FAAH: variants seen among roughly 807,000 people sequenced by gnomAD.
The protein encoded by FAAH is fatty acid amide hydrolase, also known as fatty-acid amide hydrolase 1.
A neutral mutation model predicts 69.7 loss-of-function variants in FAAH; 63 were observed. That is an observed-to-expected ratio of 0.90 (90% CI 0.74 to 1.12). FAAH has a LOEUF of 1.12. FAAH is among the 50% of genes most tolerant of loss of function. The pLI is 0.00. For synonymous variants in FAAH, 305 were observed against 324.2 expected, an observed-to-expected ratio of 0.94 and a Z score of 0.64; for missense variants, 680 against 755.0, an observed-to-expected ratio of 0.90 and a Z score of 1.16.
At chr1:46,412,322 G>T in intron 13 of FAAH, 71 bp downstream of exon 13, 1 of 1,314,050 alleles carries the variant, frequency 7.6e-7, no homozygotes, top group Non-Finnish European at 1.1e-6. Flanking sequence ...CGAGGAAATG[G>T]AAGAAGAGCC....
At chr1:46,395,986 G>A (rs143295971) in intron 1 of FAAH, among the ~76,000 whole-genome samples, 1 of 152,052 alleles carries the variant, frequency 6.6e-6, no homozygotes, top group Non-Finnish European at 1.5e-5. Flanking sequence ...GGGGACCACC[G>A]CTCAGTATAG....
rs989976741 is a variant in FAAH, at chr1:46,408,563, C to T, written c.1056C>T (p.Ser352=). The change falls in exon 8 of 15, where the codon AGC becomes AGT. Residue 352 remains serine, a synonymous_variant. Transcript: ENST00000243167. ...GGGCCGTGCTGGAGACCAAACAGAG[C>T]CTTGAGGCTGCGGGGCACACGGTAT... The part of the protein sequence containing the change: ...MRRAVLETKQ[S]LEAAGHTLVP... 6.2e-7 allele frequency: 1 copy of T among 1,614,208 alleles called. No homozygotes were observed. The highest frequency in any genetic ancestry group is 8.5e-7 in the Non-Finnish European group (1 of 1,180,038).
At position 46,405,386 on chromosome 1, in the gene FAAH, G is replaced by A. The variant is rs771224976; in HGVS notation, c.459G>A (p.Thr153=). Residue 153 remains threonine (T), a synonymous_variant, in exon 4 of 15, where the codon ACG becomes ACA. Coordinates refer to ENST00000243167, the MANE Select transcript of FAAH (RefSeq NM_001441.3). This position sits in a 1 kb window ranked among gnomAD's most constrained non-coding sequence, Gnocchi z 4.1. ...ECFTYKGQDS[T]LGLSLNEGVP... ...CCTCCTCCCAGGGCCAGGACTCCAC[G>A]CTGGGCTTGAGCCTGAATGAAGGGG... 9 of 1,611,384 alleles carry A rather than the reference G, an allele frequency of 5.6e-6. No homozygotes were observed. Among genetic ancestry groups the A allele is most frequent in the African/African-American group, 1.3e-5 (1 of 74,930 alleles).
Position 46,405,792 on chromosome 1 carries a change from C to T in FAAH, c.783C>T (p.Leu261=). 1 of 1,613,356 alleles carries T rather than the reference C, an allele frequency of 6.2e-7. No individual in the cohort carries two copies. The highest frequency in any genetic ancestry group is 8.5e-7 in the Non-Finnish European group (1 of 1,179,984). ...ICGLKPTGNR[L]SKSGLKGCVY... ...GCCTCAAGCCCACAGGGAACCGCCT[C>T]AGGTAAGGTGGGTGGAGGGCGCTTC... Residue 261 remains leucine (L), a splice_region_variant and synonymous_variant, in exon 5 of 15, where the codon CTC becomes CTT. Transcript: ENST00000243167. This position sits in a 1 kb window ranked among gnomAD's most constrained non-coding sequence, Gnocchi z 4.1.
Position 46,413,487 on chromosome 1 carries a change from G to T in FAAH, c.1652G>T (p.Cys551Phe), listed in dbSNP as rs768829628. The T allele has an allele frequency of 1.2e-6, 2 of 1,613,994 alleles. No homozygotes were observed. The highest frequency in any genetic ancestry group is 1.7e-5 in the Admixed American group (1 of 60,002). The change falls in exon 15 of 15, where the codon TGT (cysteine) becomes TTT (phenylalanine). Residue 551 changes from cysteine (C) to phenylalanine (F), a missense_variant. By Grantham distance (205) the Cys-to-Phe change is radical (BLOSUM62 -2). Coordinates refer to ENST00000243167, the MANE Select transcript of FAAH (RefSeq NM_001441.3). ...KSVGLPVAVQCVALPWQEELC... is the reference protein window; with the variant it reads ...KSVGLPVAVQFVALPWQEELC... ...GTGGGGCTGCCGGTGGCCGTGCAGT[G>T]TGTGGCTCTGCCCTGGCAAGAAGAG...
intron 13 of FAAH, 92 bp from the exon 14 acceptor site, chr1:46,412,983 C>T (rs1361234766): frequency 1.4e-6 from 2 of 1,471,492 alleles, no homozygotes; most frequent in Non-Finnish European, 1.9e-6. Flanking sequence ...GCTGTAGACA[C>T]AGGGTGCCAT....
At chr1:46,409,325 C>A in intron 9 of FAAH, 127 bp downstream of exon 9, 1 of 768,078 alleles carries the variant, frequency 1.3e-6, no homozygotes, top group Non-Finnish European at 2.3e-6. Flanking sequence ...GCACTCTGGG[C>A]AGGGACCTCG....
intron 1 of FAAH, among the ~76,000 whole-genome samples, chr1:46,397,030 C>A (rs1664608801): frequency 6.6e-6 from 1 of 152,242 alleles, no homozygotes; most frequent in Non-Finnish European, 1.5e-5. Context: ...TGAGAGGGCC[C>A]TGGTGGTCAA....
At position 46,394,376 on chromosome 1, in the gene FAAH, C is replaced by A; in HGVS notation, c.28C>A (p.Leu10Met). Residue 10 changes from leucine to methionine, a missense_variant, in exon 1 of 15, where the codon CTG becomes ATG. Leu to Met is a conservative substitution (Grantham distance 15). Coordinates refer to ENST00000243167, the MANE Select transcript of FAAH (RefSeq NM_001441.3). MVQYELWAA[L>M]PGASGVALAC... is the part of the protein sequence containing the mutation. Reference sequence around the variant, plus strand: ...GGTGCAGTACGAGCTGTGGGCCGCGCTGCCTGGCGCCTCCGGGGTCGCCCT... The same window carrying A: ...GGTGCAGTACGAGCTGTGGGCCGCGATGCCTGGCGCCTCCGGGGTCGCCCT... 1 of 1,546,884 alleles carries A rather than the reference C, an allele frequency of 6.5e-7. No individual in the cohort carries two copies.
Position 46,405,827 on chromosome 1 carries a change from C to A in FAAH, c.785+33C>A, listed in dbSNP as rs759767445. 10 of 1,611,290 alleles carry A rather than the reference C, an allele frequency of 6.2e-6. No individual in the cohort carries two copies. Among genetic ancestry groups the A allele is most frequent in the Non-Finnish European group, 5.1e-6 (6 of 1,179,114 alleles). ...GGGTGGAGGGCGCTTCTGGGCCCCT[C>A]GCTGTGTGACCTTGGCCTAGCTTCC... On this transcript the variant is annotated intron_variant, in intron 5 of 14. Transcript: ENST00000243167. The surrounding 1 kb of genome is among the most constrained non-coding windows in gnomAD (Gnocchi z 4.1).
intron 6 of FAAH, 46 bp from the exon 7 acceptor site, chr1:46,406,198 T>C: frequency 6.2e-7 from 1 of 1,614,012 alleles, no homozygotes; most frequent in Non-Finnish European, 8.5e-7. Flanking sequence ...AGGTCTGGGT[T>C]CCTCGCTCCT....
chr1:46,404,377 T>C lies in FAAH; in HGVS notation c.310-637T>C, dbSNP rs1439985508. ...CACTCTGCCCTCACCTTTCCTTCTG[T>C]AGGACCCTGTGTGGTGAGGTTTGAG... On this transcript the variant is annotated intron_variant, in intron 2 of 14. Transcript: ENST00000243167. The surrounding 1 kb of genome is among the most constrained non-coding windows in gnomAD (Gnocchi z 4.5). Among the ~76,000 whole-genome samples the C allele has an allele frequency of 6.6e-6, 1 of 152,230 alleles. No homozygotes were observed. The highest frequency in any genetic ancestry group is 2.4e-5 in the African/African-American group (1 of 41,462).
chr1:46,394,583 G>A (rs745574305), intron 1 of FAAH, 40 bp downstream of exon 1: 11 of 1,291,240 alleles, frequency 8.5e-6, no homozygotes, highest in South Asian at 2.5e-5. Flanking sequence ...CGGCCTGAGG[G>A]TACTCGCAGC....
chr1:46,397,375 G>T (rs916641902), intron 1 of FAAH, among the ~76,000 whole-genome samples: 10 of 152,146 alleles, frequency 6.6e-5, no homozygotes, highest in Admixed American at 3.3e-4. Flanking sequence ...TTATTTTTAC[G>T]AACAGATTAT....
At position 46,394,326 on chromosome 1, in the gene FAAH, G is replaced by A. The variant is rs1250183476; in HGVS notation, c.-23G>A. ...TGCGGCGGCTTCAACTGTCGCGGTA[G>A]GCAGCAGCAGGCTGAAGGGATCATG... On this transcript the variant is annotated 5_prime_UTR_variant, in exon 1 of 15. Coordinates refer to ENST00000243167, the MANE Select transcript of FAAH (RefSeq NM_001441.3). 1.9e-6 allele frequency: 3 copies of A among 1,546,232 alleles called. No homozygotes were observed. The highest frequency in any genetic ancestry group is 2.6e-6 in the Non-Finnish European group (3 of 1,150,470).
chr1:46,410,234 G>A lies in FAAH; in HGVS notation c.1176-164G>A, dbSNP rs80312035. On this transcript the variant is annotated intron_variant, in intron 9 of 14. Coordinates refer to ENST00000243167, the MANE Select transcript of FAAH (RefSeq NM_001441.3). This position sits in a 1 kb window ranked among gnomAD's most constrained non-coding sequence, Gnocchi z 4.9. ...TGGGTTGCAGCCCAGGCATCCCAAA[G>A]GATCAGCAGAAACAAACGGCATGTT... is the stretch of plus-strand genomic sequence containing the variant. The A allele has an allele frequency of 2.9e-3, 2,101 of 716,606 alleles. 22 individuals carry two copies. Among genetic ancestry groups the A allele is most frequent in the East Asian group, 0.021 (856 of 39,886 alleles). 44.4% of individuals were successfully genotyped at this position (716,606 alleles called of 1,614,324 possible). A position where few individuals can be genotyped will look rare whatever the true frequency, so the allele number is the denominator to read the frequency against.
At chr1:46,408,700 G>T in intron 8 of FAAH, 116 bp downstream of exon 8, 1 of 1,498,732 alleles carries the variant, frequency 6.7e-7, no homozygotes, top group Non-Finnish European at 9.2e-7. Flanking sequence ...TTGTCGTCGG[G>T]GTGAACTGTG....
rs754219548 is a variant in FAAH, at chr1:46,410,384, A to G, written c.1176-14A>G. The stretch of plus-strand genomic sequence containing the variant: ...GGGGATGGGAGTGCCTGGACCGAGC[A>G]TTTTGTTTCCCAGCAAAGGTGATTT... On this transcript the variant is annotated splice_polypyrimidine_tract_variant and intron_variant, in intron 9 of 14. Transcript: ENST00000243167. The surrounding 1 kb of genome is among the most constrained non-coding windows in gnomAD (Gnocchi z 4.9). The G allele has an allele frequency of 1.9e-6, 3 of 1,611,952 alleles. No homozygotes were observed. Among genetic ancestry groups the G allele is most frequent in the Middle Eastern group, 1.7e-4 (1 of 6,058 alleles).
chr1:46,413,156 A>T lies in FAAH; in HGVS notation c.1547A>T (p.Asp516Val). The T allele has an allele frequency of 6.2e-7, 1 of 1,614,136 alleles. No homozygotes were observed. The highest frequency in any genetic ancestry group is 8.5e-7 in the Non-Finnish European group (1 of 1,180,022). Reference sequence around the variant, plus strand: ...CCTGTCACCACGGTGACTGCTGAGGACGAGGCCCAGATGGAACATTACAGG... The same window carrying T: ...CCTGTCACCACGGTGACTGCTGAGGTCGAGGCCCAGATGGAACATTACAGG... Reference protein sequence around the residue: ...VVPVTTVTAEDEAQMEHYRGY... With the variant: ...VVPVTTVTAEVEAQMEHYRGY... The change falls in exon 14 of 15, where the codon GAC (aspartate) becomes GTC (valine). Residue 516 changes from aspartate to valine, a missense_variant. Asp to Val is a radical substitution (Grantham distance 152, BLOSUM62 -3). Transcript: ENST00000243167.
Sources: gnomAD v4.1 joint callset for allele counts (sites outside exome capture counted in the v4.1 genomes callset) on GRCh38, gnomAD v4.1.1 for gene constraint, Gnocchi (gnomAD v3.1) non-coding constraint, MANE v1.5 for transcripts, NCBI Gene and HGNC (gene_info 2026-07-23, HGNC 2026-07-21) for gene names.